LPCAT2: variants seen among roughly 807,000 people sequenced by gnomAD.
The protein encoded by LPCAT2 is lysophosphatidylcholine acyltransferase 2.
In LPCAT2, 58 loss-of-function variants were observed where a neutral mutation model predicts 64.7. The observed-to-expected ratio is 0.90, with a 90% CI of 0.73 to 1.12. The LOEUF (loss-of-function observed/expected upper bound fraction) is 1.12, where lower values mean the gene tolerates loss of function less well. Ranked by LOEUF, LPCAT2 falls within the 50% of genes most tolerant of loss-of-function variation. The probability of loss-of-function intolerance (pLI) is 0.00; values close to 1 mark genes in which losing one functional copy is unlikely to be tolerated. For synonymous variants in LPCAT2, 252 were observed against 245.3 expected, an observed-to-expected ratio of 1.03 and a Z score of -0.26; for missense variants, 579 against 669.8, an observed-to-expected ratio of 0.86 and a Z score of 1.50.
chr16:55,568,778 T>C (rs1246098664), intron 11 of LPCAT2, among the ~76,000 whole-genome samples: 2 of 152,128 alleles, frequency 1.3e-5, no homozygotes, highest in African/African-American at 2.4e-5. Flanking sequence ...AGAAGGAAGA[T>C]AGAAATACCA....
intron 1 of LPCAT2, among the ~76,000 whole-genome samples, chr16:55,523,306 C>CTA (rs1326319985): frequency 6.6e-6 from 1 of 151,656 alleles, no homozygotes; most frequent in Non-Finnish European, 1.5e-5. Context: ...TTGACCATAC[C>CTA]ATATGTTGGT....
At chr16:55,512,018 C>T (rs1337805332) in intron 1 of LPCAT2, among the ~76,000 whole-genome samples, 8 of 152,190 alleles carry the variant, frequency 5.3e-5, no homozygotes, top group Non-Finnish European at 1.0e-4. Context: ...TACCACCATA[C>T]TTCATTGCAC....
intron 8 of LPCAT2, chr16:55,538,679 C>CAAA (rs3040226): frequency 3.3e-5 from 3 of 90,872 alleles, no homozygotes; most frequent in Admixed American, 1.3e-4. Context: ...TCACTGTGGC[C>CAAA]AAAAAAAAAA....
At chr16:55,518,442 A>G (rs75154488) in intron 1 of LPCAT2, among the ~76,000 whole-genome samples, 2,578 of 152,324 alleles carry the variant, frequency 0.017, 76 homozygotes, top group African/African-American at 0.059. Flanking sequence ...TAAAATTCAT[A>G]CAGAAATGCA....
At chr16:55,576,568 T>C (rs1963830379) in intron 12 of LPCAT2, among the ~76,000 whole-genome samples, 1 of 152,170 alleles carries the variant, frequency 6.6e-6, no homozygotes, top group African/African-American at 2.4e-5. Context: ...ACAACCTCCC[T>C]GGCCACTGCA....
intron 7 of LPCAT2, among the ~76,000 whole-genome samples, chr16:55,537,231 G>T (rs879401912): frequency 3.0e-4 from 46 of 151,962 alleles, no homozygotes; most frequent in African/African-American, 8.7e-4. Context: ...TAATTGTCAA[G>T]AATACTTGTC....
At chr16:55,537,043 G>C (rs1963332826) in intron 7 of LPCAT2, among the ~76,000 whole-genome samples, 1 of 151,918 alleles carries the variant, frequency 6.6e-6, no homozygotes, top group Non-Finnish European at 1.5e-5. Flanking sequence ...ATCTACCTAG[G>C]AGTTTTATAA....
At chr16:55,581,638 T>A (rs927108332) in intron 13 of LPCAT2, among the ~76,000 whole-genome samples, 10 of 152,192 alleles carry the variant, frequency 6.6e-5, no homozygotes, top group African/African-American at 1.9e-4. Context: ...GAGGATTTTT[T>A]AAAAGTAAAT....
chr16:55,558,715 C>T (rs1204022054), intron 11 of LPCAT2, among the ~76,000 whole-genome samples: 1 of 152,142 alleles, frequency 6.6e-6, no homozygotes, highest in African/African-American at 2.4e-5. Flanking sequence ...TATTATAGAG[C>T]AGAAATGGCC....
At chr16:55,529,756 A>T (rs1448951957) in intron 3 of LPCAT2, 79 bp from the exon 4 acceptor site, 1 of 541,824 alleles carries the variant, frequency 1.8e-6, no homozygotes, top group African/African-American at 2.0e-5. Context: ...TCCATACAAT[A>T]TGTTATATAT....
At chr16:55,572,655 G>T (rs992696109) in intron 11 of LPCAT2, among the ~76,000 whole-genome samples, 4 of 152,012 alleles carry the variant, frequency 2.6e-5, no homozygotes, top group Non-Finnish European at 5.9e-5. Context: ...GTATACATTT[G>T]TCAAAACACA....
Position 55,583,235 on chromosome 16 carries a change from A to T in LPCAT2, c.*137A>T. 4.1e-6 allele frequency: 3 copies of T among 725,818 alleles called. No individual in the cohort carries two copies. The highest frequency in any genetic ancestry group is 6.3e-6 in the Non-Finnish European group (3 of 473,330). The allele number at this position is 725,818 out of a possible 1,614,324, so 45.0% of individuals were successfully genotyped here. ...TAAAACAAAAATGATAGATTTTCTT[A>T]CTAAAAATGTTTTTATTAACCTTGC... On this transcript the variant is annotated 3_prime_UTR_variant, in exon 14 of 14. Transcript: ENST00000262134.
chr16:55,542,018 A>T (rs1213821237), intron 8 of LPCAT2: 41 of 1,111,902 alleles, frequency 3.7e-5, no homozygotes, highest in Non-Finnish European at 4.3e-5. Context: ...AAGATTGATT[A>T]TAGTGTCATA....
In LPCAT2 at chr16:55,509,120, C is replaced by A; in HGVS notation, c.-62C>A. On this transcript the variant is annotated 5_prime_UTR_variant, in exon 1 of 14. Coordinates refer to ENST00000262134, the MANE Select transcript of LPCAT2 (RefSeq NM_017839.5). Reference sequence around the variant, plus strand: ...GGCTGGGACTCTAGTAGGTCTTCGGCTCAGTTTTGGCTGCAGCGCCCGCGT... The same window carrying A: ...GGCTGGGACTCTAGTAGGTCTTCGGATCAGTTTTGGCTGCAGCGCCCGCGT... 2.4e-6 allele frequency: 3 copies of A among 1,275,376 alleles called. No homozygotes were observed. The highest frequency in any genetic ancestry group is 3.0e-6 in the Non-Finnish European group (3 of 1,001,736). 79.0% of individuals were successfully genotyped at this position (1,275,376 alleles called of 1,614,324 possible).
chr16:55,582,881 C>A, intron 13 of LPCAT2, 33 bp from the exon 14 acceptor site: 3 of 1,455,406 alleles, frequency 2.1e-6, no homozygotes, highest in South Asian at 1.2e-5. Context: ...AGATTCACCC[C>A]AACTTATTGG....
chr16:55,524,837 GT>G (rs1285813288), intron 1 of LPCAT2, among the ~76,000 whole-genome samples: 1 of 151,980 alleles, frequency 6.6e-6, no homozygotes, highest in East Asian at 1.9e-4. Context: ...CTCCCTCTGT[GT>G]TACTCCTTTC....
intron 7 of LPCAT2, among the ~76,000 whole-genome samples, chr16:55,536,837 C>T (rs1405255914): frequency 4.6e-5 from 7 of 152,114 alleles, no homozygotes; most frequent in Non-Finnish European, 1.0e-4. Context: ...CTATTTCAAA[C>T]ATTATCTTTT....
At chr16:55,536,390 A>G (rs1337113326) in intron 7 of LPCAT2, among the ~76,000 whole-genome samples, 1 of 152,234 alleles carries the variant, frequency 6.6e-6, no homozygotes, top group Non-Finnish European at 1.5e-5. Context: ...AATAGAATGC[A>G]TCTATTCAAG....
intron 11 of LPCAT2, among the ~76,000 whole-genome samples, chr16:55,572,603 C>A (rs1204159231): frequency 8.9e-6 from 1 of 112,802 alleles, no homozygotes; most frequent in African/African-American, 3.3e-5. Flanking sequence ...TCTGAAACAT[C>A]TGGAGTGATG....
Sources: allele counts gnomAD v4.1 joint callset (sites outside exome capture counted in the v4.1 genomes callset), GRCh38; gene constraint gnomAD v4.1.1; transcripts MANE v1.5; gene names NCBI Gene and HGNC (gene_info 2026-07-23, HGNC 2026-07-21).